The following RGS7 variants were observed in gnomAD, a reference collection of about 807,000 sequenced individuals.
RGS7 encodes regulator of G-protein signaling 7.
A neutral mutation model predicts 81.1 loss-of-function variants in RGS7; 27 were observed. The ratio of observed to expected loss-of-function variants is 0.33; its 90% CI spans 0.25 to 0.46. The LOEUF is 0.46. RGS7 is among the 20% of genes least tolerant of loss of function. The probability of loss-of-function intolerance (pLI) is 1.00; values close to 1 mark genes in which losing one functional copy is unlikely to be tolerated. For missense variants in RGS7, 396 were observed against 607.4 expected (o/e 0.65, Z 3.66); for synonymous variants, 208 against 207.7 (o/e 1.00, Z -0.01).
At chr1:241,028,853 C>T (rs984657368) in intron 3 of RGS7, among the ~76,000 whole-genome samples, 2 of 152,110 alleles carry the variant, frequency 1.3e-5, no homozygotes, top group Non-Finnish European at 2.9e-5. Context: ...ACCGATGCGA[C>T]GATGACTACC....
chr1:241,235,666 TTCTC>T (rs778188637), intron 2 of RGS7, among the ~76,000 whole-genome samples: 10 of 81,018 alleles, frequency 1.2e-4, no homozygotes, highest in East Asian at 4.0e-4. Context: ...TTCTTTCTCT[TTCTC>T]TCTCTCTTTC....
intron 3 of RGS7, among the ~76,000 whole-genome samples, chr1:241,072,585 A>C (rs1329524380): frequency 6.6e-6 from 1 of 151,832 alleles, no homozygotes; most frequent in African/African-American, 2.4e-5. Context: ...AGAGTGGCTC[A>C]CTCCCTGTGA....
At chr1:240,790,740 G>T (rs953754856) in intron 18 of RGS7, among the ~76,000 whole-genome samples, 2 of 152,148 alleles carry the variant, frequency 1.3e-5, no homozygotes, top group African/African-American at 4.8e-5. Flanking sequence ...TGAGCCTACA[G>T]AAAAGATTCT....
At chr1:240,930,877 T>C in intron 5 of RGS7, 109 bp from the exon 6 acceptor site, 1 of 1,078,188 alleles carries the variant, frequency 9.3e-7, no homozygotes, top group South Asian at 1.3e-5. Flanking sequence ...TAGTTTGCTA[T>C]ATGTTTTATA....
chr1:241,112,818 T>C (rs569664748), intron 2 of RGS7, among the ~76,000 whole-genome samples: 1 of 152,336 alleles, frequency 6.6e-6, no homozygotes, highest in Admixed American at 6.5e-5. Context: ...TTAAGATGGA[T>C]TTTATTTTTC....
intron 18 of RGS7, among the ~76,000 whole-genome samples, chr1:240,798,195 G>A (rs1198902022): frequency 6.6e-6 from 1 of 152,104 alleles, no homozygotes; most frequent in Non-Finnish European, 1.5e-5. Context: ...CACACAAAAA[G>A]GAGTCTATAT....
chr1:241,108,769 C>A (rs1472973968), intron 2 of RGS7, among the ~76,000 whole-genome samples: 1 of 152,144 alleles, frequency 6.6e-6, no homozygotes, highest in African/African-American at 2.4e-5. Context: ...ATACTTTAAT[C>A]AATTGCTTCA....
rs61617683 is a variant in RGS7 at position 241,135,960 on chromosome 1, C to CAAAA, written c.79-37202_79-37199dup. ...CCCTTGGGTGGTTACATGATAATGA[C>CAAAA]AAAAAAAAAAAAAAAACTAGTTTGT... On this transcript the variant is annotated intron_variant, in intron 2 of 18. Coordinates refer to ENST00000440928, the MANE Select transcript of RGS7 (RefSeq NM_001364886.1). Among the ~76,000 whole-genome samples the CAAAA allele has an allele frequency of 3.8e-3, 281 of 74,342 alleles. 9 individuals carry two copies. In the East Asian group the frequency reaches 0.078, roughly 21 times the overall value. The allele number at this position is 74,342 out of a possible 152,430, so 48.8% of individuals were successfully genotyped here.
intron 6 of RGS7, among the ~76,000 whole-genome samples, chr1:240,883,370 C>T (rs1558408100): frequency 6.6e-6 from 1 of 152,124 alleles, no homozygotes; most frequent in African/African-American, 2.4e-5. Flanking sequence ...AACAATGTCA[C>T]TATAACAAAT....
intron 2 of RGS7, among the ~76,000 whole-genome samples, chr1:241,126,791 T>C (rs1466865297): frequency 1.4e-5 from 2 of 146,128 alleles, no homozygotes; most frequent in East Asian, 4.2e-4. Context: ...GCATTCTTTA[T>C]TTAGCAACCT....
At chr1:241,302,315 C>A (rs193246053) in intron 2 of RGS7, among the ~76,000 whole-genome samples, 1 of 152,054 alleles carries the variant, frequency 6.6e-6, no homozygotes, top group African/African-American at 2.4e-5. Context: ...TTTGGGAGGC[C>A]GAGGTGGGTG....
chr1:240,914,919 A>T (rs938479998), intron 6 of RGS7, among the ~76,000 whole-genome samples: 1 of 152,216 alleles, frequency 6.6e-6, no homozygotes, highest in South Asian at 2.1e-4. Context: ...CAACATTGGG[A>T]TAGAAAAACT....
intron 4 of RGS7, among the ~76,000 whole-genome samples, chr1:240,982,764 A>T (rs1042256861): frequency 6.6e-6 from 1 of 152,240 alleles, no homozygotes; most frequent in Non-Finnish European, 1.5e-5. Context: ...TTAATTCATA[A>T]TCACTTGCCA....
chr1:241,291,212 A>T (rs1294763851), intron 2 of RGS7, among the ~76,000 whole-genome samples: 1 of 152,222 alleles, frequency 6.6e-6, no homozygotes, highest in Admixed American at 6.5e-5. Flanking sequence ...CCATGTGCCA[A>T]GTTCCCTGAG....
intron 4 of RGS7, among the ~76,000 whole-genome samples, chr1:240,976,725 C>CTCTA (rs3044718): frequency 0.13 from 19,817 of 147,994 alleles, 1,317 homozygotes; most frequent in African/African-American, 0.16. Context: ...TCCTCAAAAT[C>CTCTA]TCTATCTATC....
At chr1:241,220,918 G>T (rs1238648962) in intron 2 of RGS7, among the ~76,000 whole-genome samples, 2 of 146,184 alleles carry the variant, frequency 1.4e-5, no homozygotes, top group East Asian at 4.0e-4. Flanking sequence ...AGAAAGGAAA[G>T]GAAGAAAGGA....
chr1:241,056,835 C>G (rs1205150277), intron 3 of RGS7, among the ~76,000 whole-genome samples: 1 of 152,078 alleles, frequency 6.6e-6, no homozygotes, highest in African/African-American at 2.4e-5. Flanking sequence ...TTCAGGGCAA[C>G]CATTATTAAA....
At chr1:240,937,103 C>G (rs1314351118) in intron 4 of RGS7, among the ~76,000 whole-genome samples, 1 of 152,158 alleles carries the variant, frequency 6.6e-6, no homozygotes, top group Non-Finnish European at 1.5e-5. Context: ...TCTCCCTTCC[C>G]ACCTAATTAG....
chr1:241,167,055 T>C (rs1366031342), intron 2 of RGS7, among the ~76,000 whole-genome samples: 1 of 152,180 alleles, frequency 6.6e-6, no homozygotes, highest in African/African-American at 2.4e-5. Flanking sequence ...CCATTGAATA[T>C]GGGGTAATAC....
Sources: gnomAD v4.1 joint callset for allele counts (sites outside exome capture counted in the v4.1 genomes callset) on GRCh38, gnomAD v4.1.1 for gene constraint, MANE v1.5 for transcripts, NCBI Gene and HGNC (gene_info 2026-07-23, HGNC 2026-07-21) for gene names.